Variants in TBC1D15 observed in about 807,000 individuals in gnomAD.
TBC1D15 encodes the protein TBC1 domain family member 15.
Under a neutral mutation model 95.4 loss-of-function variants are expected in TBC1D15, and 39 were observed. The observed-to-expected ratio is 0.41, with a 90% CI of 0.32 to 0.53. The LOEUF (loss-of-function observed/expected upper bound fraction) is 0.53. Ranked by LOEUF, TBC1D15 falls within the 20% of genes least tolerant of loss-of-function variation. TBC1D15 has a pLI of 0.29. For synonymous variants in TBC1D15, 258 were observed against 261.3 expected (o/e 0.99, Z 0.12); for missense variants, 733 against 794.3 (o/e 0.92, Z 0.93).
intron 11 of TBC1D15, among the ~76,000 whole-genome samples, chr12:71,908,762 T>C (rs1416265444): frequency 6.6e-6 from 1 of 152,202 alleles, no homozygotes; most frequent in African/African-American, 2.4e-5. Context: ...ATTTGATTTT[T>C]AATTCTCGTA....
intron 1 of TBC1D15, among the ~76,000 whole-genome samples, chr12:71,866,564 G>A (rs934553452): frequency 3.3e-5 from 5 of 152,154 alleles, no homozygotes; most frequent in African/African-American, 1.2e-4. Context: ...GTTTCTGTGT[G>A]CTCACAAGGG....
At chr12:71,840,107 C>CT (rs1292368220) in intron 1 of TBC1D15, among the ~76,000 whole-genome samples, 1 of 152,182 alleles carries the variant, frequency 6.6e-6, no homozygotes, top group African/African-American at 2.4e-5. Context: ...TCTCTAGTTC[C>CT]TTTTTTCCCC....
chr12:71,908,289 T>C (rs1168424340), intron 11 of TBC1D15, among the ~76,000 whole-genome samples: 2 of 152,232 alleles, frequency 1.3e-5, no homozygotes, highest in Non-Finnish European at 2.9e-5. Flanking sequence ...ACTTAAGATA[T>C]TTATTTAAAG....
intron 4 of TBC1D15, 33 bp downstream of exon 4, chr12:71,880,640 A>C (rs778400044): frequency 6.3e-7 from 1 of 1,582,716 alleles, no homozygotes; most frequent in Non-Finnish European, 8.6e-7. Context: ...TCTTAAACTG[A>C]TTTGCTACAG....
intron 10 of TBC1D15, among the ~76,000 whole-genome samples, chr12:71,904,394 G>A (rs1900173687): frequency 6.6e-6 from 1 of 152,190 alleles, no homozygotes; most frequent in Non-Finnish European, 1.5e-5. Context: ...CTTTCAAGGA[G>A]TTTTGCTGTA....
chr12:71,846,381 T>A (rs1324790824), intron 1 of TBC1D15, among the ~76,000 whole-genome samples: 3 of 152,254 alleles, frequency 2.0e-5, no homozygotes, highest in Admixed American at 2.0e-4. Flanking sequence ...ATTTTTACAC[T>A]TAGAATATTC....
chr12:71,907,302 G>A, intron 11 of TBC1D15, 164 bp downstream of exon 11: 1 of 451,666 alleles, frequency 2.2e-6, no homozygotes, highest in South Asian at 4.2e-5. Flanking sequence ...CTCAACCAAG[G>A]AGCCCTGGGT....
intron 3 of TBC1D15, 152 bp from the exon 4 acceptor site, chr12:71,880,317 G>A: frequency 2.6e-6 from 1 of 389,550 alleles, no homozygotes. Context: ...TCATAAAGAT[G>A]ATCAAGAGAG....
At chr12:71,910,143 C>G (rs903064917) in intron 11 of TBC1D15, among the ~76,000 whole-genome samples, 3 of 151,710 alleles carry the variant, frequency 2.0e-5, no homozygotes, top group Admixed American at 2.0e-4. Flanking sequence ...GCTTGTTTTT[C>G]TCAGGTTTGT....
At chr12:71,885,148 T>C in intron 5 of TBC1D15, 127 bp downstream of exon 5, 1 of 772,248 alleles carries the variant, frequency 1.3e-6, no homozygotes, top group Non-Finnish European at 2.1e-6. Context: ...AGCTTAGTTT[T>C]TTCTGGGATA....
At chr12:71,865,330 G>T (rs2138193391) in intron 1 of TBC1D15, among the ~76,000 whole-genome samples, 1 of 152,296 alleles carries the variant, frequency 6.6e-6, no homozygotes, top group East Asian at 1.9e-4. Flanking sequence ...GGAGGGCAGG[G>T]CACAACACTG....
chr12:71,853,374 A>G (rs769918059), intron 1 of TBC1D15, among the ~76,000 whole-genome samples: 41 of 152,176 alleles, frequency 2.7e-4, no homozygotes, highest in South Asian at 6.2e-4. Flanking sequence ...TTACAATTTA[A>G]CATCAAATTT....
intron 10 of TBC1D15, among the ~76,000 whole-genome samples, chr12:71,904,853 G>C (rs969669827): frequency 4.5e-4 from 69 of 152,198 alleles, no homozygotes; most frequent in African/African-American, 1.6e-3. Context: ...TTGTATGAAT[G>C]GGGAGTGAAT....
intron 7 of TBC1D15, 98 bp from the exon 8 acceptor site, chr12:71,895,849 C>T: frequency 8.7e-7 from 1 of 1,150,288 alleles, no homozygotes; most frequent in Non-Finnish European, 1.2e-6. Context: ...TATTAGAAGT[C>T]ATGTCTGAAA....
rs1156724801 is a variant in TBC1D15 at position 71,911,493 on chromosome 12, A to C, written c.1301-2333A>C. Among the ~76,000 whole-genome samples, 10 of 151,826 alleles carry C rather than the reference A, an allele frequency of 6.6e-5. No individual in the cohort carries two copies. In the East Asian group the frequency reaches 1.7e-3, roughly 27 times the overall value. On this transcript the variant is annotated intron_variant, in intron 11 of 16. Coordinates refer to ENST00000485960, the MANE Select transcript of TBC1D15 (RefSeq NM_001146213.3). Reference sequence around the variant, plus strand: ...TTGTAGGGACATGGATGAAACTGGAAATCATCATTCTCAGTAAACTATCGC... The same window carrying C: ...TTGTAGGGACATGGATGAAACTGGACATCATCATTCTCAGTAAACTATCGC...
intron 11 of TBC1D15, among the ~76,000 whole-genome samples, chr12:71,909,817 G>C (rs961876064): frequency 2.0e-5 from 3 of 152,072 alleles, no homozygotes; most frequent in Non-Finnish European, 4.4e-5. Context: ...TGCTGATTAA[G>C]ATATGCATCA....
At chr12:71,891,817 T>C (rs1007251370) in intron 5 of TBC1D15, among the ~76,000 whole-genome samples, 3 of 152,174 alleles carry the variant, frequency 2.0e-5, no homozygotes, top group African/African-American at 7.2e-5. Context: ...GTTTAAGATA[T>C]GGAGCCATAG....
At chr12:71,896,210 A>C (rs1898140179) in intron 8 of TBC1D15, 135 bp downstream of exon 8, 1 of 754,846 alleles carries the variant, frequency 1.3e-6, no homozygotes, top group South Asian at 2.2e-5. Context: ...GTAGGGAGGA[A>C]TGAACTCTGT....
intron 1 of TBC1D15, among the ~76,000 whole-genome samples, chr12:71,845,299 C>T (rs1049174533): frequency 2.2e-4 from 34 of 152,110 alleles, no homozygotes; most frequent in African/African-American, 8.0e-4. Context: ...ATACATTATG[C>T]ACCTTAGGCA....
Sources: allele counts gnomAD v4.1 joint callset (sites outside exome capture counted in the v4.1 genomes callset), GRCh38; gene constraint gnomAD v4.1.1; transcripts MANE v1.5; gene names NCBI Gene and HGNC (gene_info 2026-07-23, HGNC 2026-07-21).